The following TBPL2 variants were observed in gnomAD, a reference collection of about 807,000 sequenced individuals.
TBPL2 encodes TATA box-binding protein-like 2.
TBPL2 carries 40 observed loss-of-function variants against 38.2 expected under a neutral mutation model. That is an observed-to-expected ratio of 1.05 (90% confidence interval 0.81 to 1.36). The LOEUF (loss-of-function observed/expected upper bound fraction) is 1.36. Among genes scored for constraint, TBPL2 ranks in the 40% most tolerant of loss-of-function variants. The pLI is 0.00. For synonymous variants in TBPL2, 169 were observed against 171.7 expected (o/e 0.98, Z 0.12); for missense variants, 461 against 456.7 (o/e 1.01, Z -0.09).
exon 7 of TBPL2, chr14:55,414,420 C>T (rs1566589174): frequency 1.9e-6 from 3 of 1,608,972 alleles, no homozygotes; most frequent in Non-Finnish European, 8.5e-7. Flanking sequence ...TAGATGTTTT[C>T]AAATGCTTCA....
intron 6 of TBPL2, among the ~76,000 whole-genome samples, chr14:55,422,308 C>T (rs947375485): frequency 3.9e-5 from 6 of 152,138 alleles, no homozygotes; most frequent in Non-Finnish European, 7.3e-5. Flanking sequence ...GTAGACTACG[C>T]GATCTCAGCT....
intron 6 of TBPL2, among the ~76,000 whole-genome samples, chr14:55,417,660 C>T (rs1383032727): frequency 6.6e-6 from 1 of 152,092 alleles, no homozygotes; most frequent in East Asian, 1.9e-4. Flanking sequence ...GGGGGTCTCG[C>T]TATGTTGCCC....
At chr14:55,429,538 C>T (rs895809059) in intron 4 of TBPL2, among the ~76,000 whole-genome samples, 1 of 152,092 alleles carries the variant, frequency 6.6e-6, no homozygotes, top group African/African-American at 2.4e-5. Context: ...CTGAGGCAGG[C>T]AGCTCACCTG....
chr14:55,435,146 G>A (rs1217946703), intron 3 of TBPL2, among the ~76,000 whole-genome samples: 1 of 152,188 alleles, frequency 6.6e-6, no homozygotes, highest in Admixed American at 6.5e-5. Context: ...AAGCAGTTTA[G>A]CCTTCTCAGA....
chr14:55,431,462 T>G (rs761002363), intron 4 of TBPL2, among the ~76,000 whole-genome samples: 1 of 152,242 alleles, frequency 6.6e-6, no homozygotes, highest in Non-Finnish European at 1.5e-5. Context: ...CAGCTCAGTA[T>G]GTGTACTATA....
chr14:55,436,744 A>T (rs143279424), exon 2 of TBPL2: 11 of 1,614,206 alleles, frequency 6.8e-6, no homozygotes, highest in Non-Finnish European at 9.3e-6. Context: ...GCCCAGCCCA[A>T]CGTCCTGTTC....
At chr14:55,428,941 A>G (rs753702753) in exon 5 of TBPL2, 6 of 1,614,200 alleles carry the variant, frequency 3.7e-6, no homozygotes, top group Admixed American at 1.7e-5. Context: ...CCACACGAGC[A>G]TATTTTCTTG....
At chr14:55,438,198 TCTC>T (rs2140181767) in intron 1 of TBPL2, among the ~76,000 whole-genome samples, 1 of 152,326 alleles carries the variant, frequency 6.6e-6, no homozygotes, top group East Asian at 1.9e-4. Flanking sequence ...TGTTGCATCT[TCTC>T]AGTGACAATG....
chr14:55,439,621 C>CA (rs1274504937), intron 1 of TBPL2, among the ~76,000 whole-genome samples: 2 of 138,112 alleles, frequency 1.4e-5, no homozygotes, highest in African/African-American at 2.6e-5. Context: ...CAAACCCCCC[C>CA]CCGTCTCTAC....
At chr14:55,439,331 G>A (rs1313577409) in intron 1 of TBPL2, among the ~76,000 whole-genome samples, 1 of 149,618 alleles carries the variant, frequency 6.7e-6, no homozygotes, top group Admixed American at 6.7e-5. Context: ...GGCAAACCCT[G>A]CAACCACCAG....
chr14:55,439,471 T>C (rs963465297), intron 1 of TBPL2, among the ~76,000 whole-genome samples: 4 of 148,404 alleles, frequency 2.7e-5, no homozygotes, highest in Non-Finnish European at 5.9e-5. Context: ...GCTAGCACAA[T>C]GCACTCTCTG....
At chr14:55,432,446 A>AAAAAAAACACAC (rs1885946405) in intron 4 of TBPL2, among the ~76,000 whole-genome samples, 1 of 151,390 alleles carries the variant, frequency 6.6e-6, no homozygotes, top group African/African-American at 2.4e-5. Context: ...ACAAACAACA[A>AAAAAAAACACAC]AAAAAACACC....
chr14:55,414,305 A>G, exon 7 of TBPL2: 1 of 1,127,144 alleles, frequency 8.9e-7, no homozygotes, highest in Non-Finnish European at 1.3e-6. Context: ...TAAACGTAGA[A>G]GAATCCAGCT....
intron 6 of TBPL2, among the ~76,000 whole-genome samples, chr14:55,421,162 T>C (rs9635232): frequency 0.69 from 105,368 of 151,910 alleles, 36,683 homozygotes; most frequent in South Asian, 0.74. Context: ...TTTGCCTGTA[T>C]TTGGCAATTT....
chr14:55,430,760 C>T, intron 4 of TBPL2, among the ~76,000 whole-genome samples: 1 of 152,220 alleles, frequency 6.6e-6, no homozygotes, highest in Non-Finnish European at 1.5e-5. Context: ...CCTTGGCTCT[C>T]TTCACCCACT....
chr14:55,433,163 C>T (rs1417530338), intron 4 of TBPL2, among the ~76,000 whole-genome samples: 2 of 152,020 alleles, frequency 1.3e-5, no homozygotes, highest in Non-Finnish European at 2.9e-5. Context: ...GGGTCTTGCT[C>T]TGTAACTCAG....
At chr14:55,417,885 A>G (rs1885690789) in intron 6 of TBPL2, among the ~76,000 whole-genome samples, 1 of 152,208 alleles carries the variant, frequency 6.6e-6, no homozygotes, top group South Asian at 2.1e-4. Flanking sequence ...ATCAAACAAT[A>G]TGGGCTTAAG....
At chr14:55,433,607 G>A (rs553462297) in intron 4 of TBPL2, 23 bp downstream of exon 4, 2 of 1,589,698 alleles carry the variant, frequency 1.3e-6, no homozygotes, top group Non-Finnish European at 1.7e-6. Context: ...CTCTGGTAGG[G>A]GTGGAGGGAT....
Position 55,426,649 on chromosome 14 carries a change from G to A in TBPL2, c.956+2158C>T, listed in dbSNP as rs113851422. Among the ~76,000 whole-genome samples the A allele has an allele frequency of 1.3e-3, 199 of 152,086 alleles. 1 individual carries two copies. The highest frequency in any genetic ancestry group is 4.6e-3 in the African/African-American group (192 of 41,488). On this transcript the variant is annotated intron_variant, in intron 5 of 6. Coordinates refer to ENST00000247219, the Ensembl canonical transcript of TBPL2. ...GACAGCCGAATGGAGAGGATGAGGG[G>A]GAGGCAAGAATGAGACTAGAAATAG...
Sources: allele counts gnomAD v4.1 joint callset (sites outside exome capture counted in the v4.1 genomes callset), GRCh38; gene constraint gnomAD v4.1.1; transcripts MANE v1.5; gene names NCBI Gene and HGNC (gene_info 2026-07-23, HGNC 2026-07-21).